CLVS1: variants seen among roughly 807,000 people sequenced by gnomAD.
CLVS1 encodes clavesin-1.
A neutral mutation model predicts 33.1 loss-of-function variants in CLVS1; 10 were observed. The observed-to-expected ratio is 0.30, with a 90% CI of 0.19 to 0.51. The LOEUF is 0.51. CLVS1 is among the 20% of genes least tolerant of loss of function. The pLI, the probability that CLVS1 is intolerant of heterozygous loss-of-function variation, is 0.97. For synonymous variants in CLVS1, 163 were observed against 166.1 expected (o/e 0.98, Z 0.14); for missense variants, 343 against 433.4 (o/e 0.79, Z 1.85).
chr8:61,264,000 G>C (rs574793559), intron 2 of CLVS1, among the ~76,000 whole-genome samples: 27 of 152,144 alleles, frequency 1.8e-4, no homozygotes, highest in Non-Finnish European at 3.2e-4. Context: ...CAAAGAGAGA[G>C]ACTACCTGAA....
the CLVS1 span, among the ~76,000 whole-genome samples, chr8:61,004,908 G>A: frequency 2.6e-4 from 39 of 152,210 alleles, no homozygotes; most frequent in Non-Finnish European, 4.0e-4. Flanking sequence ...CATATCTGTC[G>A]GGAAAGGTGT....
chr8:61,224,395 T>C (rs1384126375), intron 2 of CLVS1, among the ~76,000 whole-genome samples: 1 of 152,172 alleles, frequency 6.6e-6, no homozygotes, highest in East Asian at 1.9e-4. Flanking sequence ...CATTTTCTGC[T>C]TGTTTGCTTT....
At chr8:61,495,587 CAT>C (rs1249908646) in intron 5 of CLVS1, among the ~76,000 whole-genome samples, 2 of 152,150 alleles carry the variant, frequency 1.3e-5, no homozygotes, top group Admixed American at 6.5e-5. Flanking sequence ...AGATTGGAAA[CAT>C]GAGGCAAATT....
At chr8:61,457,292 T>C (rs1000248828) in intron 4 of CLVS1, among the ~76,000 whole-genome samples, 5 of 152,150 alleles carry the variant, frequency 3.3e-5, no homozygotes, top group African/African-American at 1.2e-4. Context: ...CATGTGTGTA[T>C]ACCTGATGAT....
intron 2 of CLVS1, among the ~76,000 whole-genome samples, chr8:61,357,494 C>CTTTTCTTTTTTTT (rs1812776284): frequency 7.8e-5 from 2 of 25,804 alleles, no homozygotes; most frequent in African/African-American, 2.0e-4. Flanking sequence ...TTTTTCTTTT[C>CTTTTCTTTTTTTT]TTTTTTTTTT....
rs1806784907 is a variant in CLVS1 at position 61,163,191 on chromosome 8, A to G, written c.-152+31331A>G. 2.0e-5 allele frequency among the ~76,000 whole-genome samples: 3 copies of G among 152,246 alleles called. No individual in the cohort carries two copies. In the South Asian group the frequency reaches 6.2e-4, roughly 32 times the overall value. ...AGACCAGAGACACTGCACAGACACC[A>G]GCCTTAACCATCTGTGTCAACAGGA... On this transcript the variant is annotated intron_variant, in intron 2 of 2. Coordinates refer to the CLVS1 transcript ENST00000522621.
At chr8:61,139,105 G>A (rs1806251750) in intron 2 of CLVS1, among the ~76,000 whole-genome samples, 1 of 152,230 alleles carries the variant, frequency 6.6e-6, no homozygotes, top group African/African-American at 2.4e-5. Context: ...CTGCTACGCC[G>A]CCCTTGACCT....
At chr8:61,244,400 T>C (rs1218696583) in intron 2 of CLVS1, among the ~76,000 whole-genome samples, 1 of 152,180 alleles carries the variant, frequency 6.6e-6, no homozygotes, top group Non-Finnish European at 1.5e-5. Flanking sequence ...TGGCCAAATG[T>C]GTGATTAATT....
chr8:61,450,326 T>C (rs1816908107), intron 3 of CLVS1, among the ~76,000 whole-genome samples: 1 of 152,230 alleles, frequency 6.6e-6, no homozygotes, highest in African/African-American at 2.4e-5. Flanking sequence ...AAAAAACTTA[T>C]GCTTATCTAA....
At chr8:61,170,080 C>T (rs534547308) in intron 2 of CLVS1, among the ~76,000 whole-genome samples, 2 of 152,232 alleles carry the variant, frequency 1.3e-5, no homozygotes, top group Admixed American at 1.3e-4. Flanking sequence ...TATATACACA[C>T]ATATACACAC....
At chr8:61,409,447 GA>G (rs1815133002) in intron 3 of CLVS1, among the ~76,000 whole-genome samples, 1 of 149,850 alleles carries the variant, frequency 6.7e-6, no homozygotes, top group African/African-American at 2.4e-5. Flanking sequence ...TCAGAGAATG[GA>G]AATCTTTCCC....
At chr8:61,296,233 G>A (rs1030883680) in intron 1 of CLVS1, among the ~76,000 whole-genome samples, 3 of 152,124 alleles carry the variant, frequency 2.0e-5, no homozygotes, top group African/African-American at 7.2e-5. Flanking sequence ...CAGTGACCCT[G>A]GCTTAAGCAT....
chr8:61,306,615 G>A (rs1203419452), intron 2 of CLVS1, among the ~76,000 whole-genome samples: 2 of 152,178 alleles, frequency 1.3e-5, no homozygotes, highest in Non-Finnish European at 2.9e-5. Flanking sequence ...AAACATGGGA[G>A]TGTAGATTTC....
chr8:61,054,419 C>T (rs577145699), upstream of CLVS1, among the ~76,000 whole-genome samples: 26 of 152,316 alleles, frequency 1.7e-4, no homozygotes, highest in African/African-American at 5.8e-4. Flanking sequence ...CAGGGAACTG[C>T]TGCAGGCTTG....
intron 2 of CLVS1, among the ~76,000 whole-genome samples, chr8:61,369,108 A>C (rs539112837): frequency 1.7e-4 from 26 of 151,442 alleles, no homozygotes; most frequent in African/African-American, 5.3e-4. Flanking sequence ...GAGCCTCATC[A>C]AGTTATGTGA....
chr8:61,480,371 A>G (rs1818139779), intron 5 of CLVS1, among the ~76,000 whole-genome samples: 1 of 152,072 alleles, frequency 6.6e-6, no homozygotes. Context: ...TGGGCGTAGG[A>G]TGCTCCGAGC....
chr8:61,353,155 G>T (rs990791881), intron 2 of CLVS1, among the ~76,000 whole-genome samples: 2 of 152,014 alleles, frequency 1.3e-5, no homozygotes, highest in African/African-American at 4.8e-5. Flanking sequence ...GCAACTGATA[G>T]AACTTAGACA....
At chr8:60,993,873 C>T in the CLVS1 span, among the ~76,000 whole-genome samples, 1 of 152,260 alleles carries the variant, frequency 6.6e-6, no homozygotes, top group South Asian at 2.1e-4. Context: ...TTTTCAAGGC[C>T]ATGGAGTGAA....
upstream of CLVS1, among the ~76,000 whole-genome samples, chr8:61,287,039 C>T (rs1809796731): frequency 6.6e-6 from 1 of 152,134 alleles, no homozygotes; most frequent in African/African-American, 2.4e-5. Flanking sequence ...ACACATAAAT[C>T]TTTGCATATC....
Sources: allele counts gnomAD v4.1 joint callset (sites outside exome capture counted in the v4.1 genomes callset), GRCh38; gene constraint gnomAD v4.1.1; transcripts MANE v1.5; gene names NCBI Gene and HGNC (gene_info 2026-07-23, HGNC 2026-07-21).